Variants in CLEC2D observed in about 807,000 individuals in gnomAD.
CLEC2D encodes the protein C-type lectin domain family 2 member D.
Under a neutral mutation model 20.0 loss-of-function variants are expected in CLEC2D, and 16 were observed. That is an observed-to-expected ratio of 0.80 (90% confidence interval 0.54 to 1.22). The LOEUF is 1.22. CLEC2D is among the 50% of genes most tolerant of loss of function. The pLI is 0.00. For synonymous variants in CLEC2D, 77 were observed against 71.1 expected (o/e 1.08, Z -0.42); for missense variants, 207 against 221.5 (o/e 0.93, Z 0.42).
rs1865940112 is a variant in CLEC2D at position 9,694,744 on chromosome 12, GCTT to G, written c.462-10_462-8del. On this transcript the variant is annotated splice_polypyrimidine_tract_variant and intron_variant, in intron 4 of 4. Transcript: ENST00000290855. Reference sequence around the variant, plus strand: ...AAATGTTCAGTGGCCAACTGATTCTGCTTCTTCTCTTGCAGGTTTCCTATCCTG... The same window carrying G: ...AAATGTTCAGTGGCCAACTGATTCTGCTTCTCTTGCAGGTTTCCTATCCTG... 7.0e-7 allele frequency: 1 copy of G among 1,427,408 alleles called. No individual in the cohort carries two copies. Among genetic ancestry groups the G allele is most frequent in the Non-Finnish European group, 9.9e-7 (1 of 1,010,088 alleles). The allele number at this position is 1,427,408 out of a possible 1,614,324, so 88.4% of individuals were successfully genotyped here.
At chr12:9,676,354 T>C (rs1865519948) in intron 1 of CLEC2D, among the ~76,000 whole-genome samples, 1 of 152,166 alleles carries the variant, frequency 6.6e-6, no homozygotes, top group African/African-American at 2.4e-5. Flanking sequence ...TTGTCACAAA[T>C]CTGTGTTGAA....
In CLEC2D at chr12:9,695,659, G is replaced by T; in HGVS notation, c.*785G>T. ...GCCAACGGTTTCTCTTGGGGGCTTT[G>T]AAATAACACCACCAGTGGACTTAAG... On this transcript the variant is annotated 3_prime_UTR_variant, in exon 5 of 5. Coordinates refer to ENST00000290855, the MANE Select transcript of CLEC2D (RefSeq NM_013269.6). 1 of 1,576,780 alleles carries T rather than the reference G, an allele frequency of 6.3e-7. No homozygotes were observed. Among genetic ancestry groups the T allele is most frequent in the Non-Finnish European group, 8.6e-7 (1 of 1,157,918 alleles).
Position 9,695,874 on chromosome 12 carries a change from AGAT to A in CLEC2D, c.*1018_*1020del, listed in dbSNP as rs71045289. Reference sequence around the variant, plus strand: ...CTGCTGCTGATGATGATGATGATGAAGATGATGATGATGATGATGACGAGGAAG... The same window carrying A: ...CTGCTGCTGATGATGATGATGATGAAGATGATGATGATGATGACGAGGAAG... On this transcript the variant is annotated 3_prime_UTR_variant, in exon 5 of 5. Coordinates refer to ENST00000290855, the MANE Select transcript of CLEC2D (RefSeq NM_013269.6). The A allele has an allele frequency of 6.2e-3, 5,591 of 895,878 alleles. 31 individuals are homozygous for A. Among genetic ancestry groups the A allele is most frequent in the Middle Eastern group, 0.015 (44 of 2,964 alleles). The allele number at this position is 895,878 out of a possible 1,614,324, so 55.5% of individuals were successfully genotyped here. A position where few individuals can be genotyped will look rare whatever the true frequency, so the allele number is the denominator to read the frequency against.
At chr12:9,681,996 A>G (rs1301896602) in intron 2 of CLEC2D, among the ~76,000 whole-genome samples, 1 of 152,224 alleles carries the variant, frequency 6.6e-6, no homozygotes, top group Non-Finnish European at 1.5e-5. Context: ...AGTATTAATC[A>G]AGGGAATGTA....
intron 3 of CLEC2D, among the ~76,000 whole-genome samples, chr12:9,692,064 T>C (rs1865875310): frequency 6.6e-6 from 1 of 152,210 alleles, no homozygotes; most frequent in African/African-American, 2.4e-5. Context: ...GATAATTTGG[T>C]ACACTTACAT....
At chr12:9,694,197 TATATG>T (rs892625940) in intron 4 of CLEC2D, among the ~76,000 whole-genome samples, 3 of 152,108 alleles carry the variant, frequency 2.0e-5, no homozygotes, top group Non-Finnish European at 2.9e-5. Flanking sequence ...TGTAAAATAT[TATATG>T]ATTAAGGTCT....
In CLEC2D at chr12:9,671,515, C is replaced by T. The variant is rs773840968; in HGVS notation, c.61+1720C>T. On this transcript the variant is annotated intron_variant, in intron 1 of 4. Transcript: ENST00000290855. ...GATTACAGGCGTGAGCCACCGCGCCCGGCCGAGGATTAACCTTTCTCAAGG... is the reference window on the plus strand; with the variant it reads ...GATTACAGGCGTGAGCCACCGCGCCTGGCCGAGGATTAACCTTTCTCAAGG... Among the ~76,000 whole-genome samples, 12 of 152,336 alleles carry T rather than the reference C, an allele frequency of 7.9e-5. No individual in the cohort carries two copies. The East Asian group carries it at 2.3e-3, about 29-fold the overall frequency.
chr12:9,677,624 A>G (rs1179716028), intron 1 of CLEC2D, among the ~76,000 whole-genome samples: 3 of 150,322 alleles, frequency 2.0e-5, no homozygotes, highest in African/African-American at 4.9e-5. Context: ...GATGTCAATT[A>G]TATTCGGTTA....
intron 4 of CLEC2D, among the ~76,000 whole-genome samples, chr12:9,694,220 T>C (rs1865930286): frequency 6.6e-6 from 1 of 152,116 alleles, no homozygotes; most frequent in Non-Finnish European, 1.5e-5. Context: ...TCTAACAAGT[T>C]TCAACAATTA....
At chr12:9,677,347 T>C (rs191875142) in intron 1 of CLEC2D, among the ~76,000 whole-genome samples, 1 of 152,324 alleles carries the variant, frequency 6.6e-6, no homozygotes, top group East Asian at 1.9e-4. Context: ...AAAACTTCTA[T>C]TGTGATTTCT....
At chr12:9,677,707 C>CTTTTTTT (rs36120151) in intron 1 of CLEC2D, among the ~76,000 whole-genome samples, 181 of 122,370 alleles carry the variant, frequency 1.5e-3, no homozygotes, top group Non-Finnish European at 1.8e-3. Flanking sequence ...TTCTTTCTTT[C>CTTTTTTT]TTTTTTTTTT....
At chr12:9,669,817 A>G in intron 1 of CLEC2D, 22 bp downstream of exon 1, 1 of 1,577,896 alleles carries the variant, frequency 6.3e-7, no homozygotes, top group Non-Finnish European at 8.7e-7. Context: ...GGCTCTACAG[A>G]GTAAGTGTGA....
At chr12:9,690,499 TCTC>T (rs1313171761) in intron 3 of CLEC2D, among the ~76,000 whole-genome samples, 7 of 152,090 alleles carry the variant, frequency 4.6e-5, no homozygotes, top group South Asian at 2.1e-4. Flanking sequence ...GTTTATAACT[TCTC>T]CTATTTATAG....
rs1416756069 is a variant in CLEC2D at position 9,698,676 on chromosome 12, T to C, written c.*3802T>C. ...AAATGAAATTGCATAAAATAAAAAA[T>C]GTTTCTGCACAGCAAAGGAAATAAT... On this transcript the variant is annotated 3_prime_UTR_variant, in exon 5 of 5. Coordinates refer to ENST00000290855, the MANE Select transcript of CLEC2D (RefSeq NM_013269.6). 1 of 152,118 alleles carries C rather than the reference T, an allele frequency of 6.6e-6. No homozygotes were observed. The highest frequency in any genetic ancestry group is 1.5e-5 in the Non-Finnish European group (1 of 67,998). The allele number at this position is 152,118 out of a possible 1,614,324, so 9.4% of individuals were successfully genotyped here. A position where few individuals can be genotyped will look rare whatever the true frequency, so the allele number is the denominator to read the frequency against.
chr12:9,680,638 A>G (rs1451430523), intron 1 of CLEC2D, among the ~76,000 whole-genome samples: 1 of 152,188 alleles, frequency 6.6e-6, no homozygotes, highest in East Asian at 1.9e-4. Context: ...ATTTCCAGTT[A>G]CTTGGATTTT....
In CLEC2D at chr12:9,696,542, AT is replaced by A. The variant is rs1865998083; in HGVS notation, c.*1669del. The A allele has an allele frequency of 5.2e-5, 5 of 96,294 alleles. No individual in the cohort carries two copies. Among genetic ancestry groups the A allele is most frequent in the Non-Finnish European group, 3.9e-5 (2 of 50,886 alleles). The allele number at this position is 96,294 out of a possible 1,614,324, so 6.0% of individuals were successfully genotyped here. A position where few individuals can be genotyped will look rare whatever the true frequency, so the allele number is the denominator to read the frequency against. Reference sequence around the variant, plus strand: ...ACGTGAAATAAAACTCAGTATTTTAATAAAGTAAAAAAAAAAAAAAAGGTAT... The same window carrying A: ...ACGTGAAATAAAACTCAGTATTTTAAAAAGTAAAAAAAAAAAAAAAGGTAT... On this transcript the variant is annotated 3_prime_UTR_variant, in exon 5 of 5. Transcript: ENST00000290855.
At chr12:9,692,970 A>G (rs751974042) in intron 4 of CLEC2D, 39 bp downstream of exon 4, 8 of 1,596,920 alleles carry the variant, frequency 5.0e-6, no homozygotes, top group Non-Finnish European at 6.9e-6. Flanking sequence ...TTGTATTTGA[A>G]TTTACTTTGC....
chr12:9,677,707 CTTTTTTTTTTT>C (rs36120151), intron 1 of CLEC2D, among the ~76,000 whole-genome samples: 1 of 122,434 alleles, frequency 8.2e-6, no homozygotes, highest in African/African-American at 3.1e-5. Flanking sequence ...TTCTTTCTTT[CTTTTTTTTTTT>C]TTTTTTTTTT....
At chr12:9,673,879 A>G (rs1865470761) in intron 1 of CLEC2D, 1 of 152,476 alleles carries the variant, frequency 6.6e-6, no homozygotes, top group Admixed American at 6.5e-5. Flanking sequence ...CAAACCTCTC[A>G]GGCTCCTTTG....
Sources: allele counts gnomAD v4.1 joint callset (sites outside exome capture counted in the v4.1 genomes callset), GRCh38; gene constraint gnomAD v4.1.1; transcripts MANE v1.5; gene names NCBI Gene and HGNC (gene_info 2026-07-23, HGNC 2026-07-21).